The following TET3 variants were observed in gnomAD, a reference collection of about 807,000 sequenced individuals.
TET3 encodes methylcytosine dioxygenase TET3.
A neutral mutation model predicts 141.4 loss-of-function variants in TET3; 19 were observed. That is an observed-to-expected ratio of 0.13 (90% CI 0.09 to 0.20). The LOEUF is 0.20. TET3 is among the 10% of genes least tolerant of loss of function. The pLI, the probability that TET3 is intolerant of heterozygous loss-of-function variation, is 1.00. For missense variants in TET3, 1,874 were observed against 2,356.9 expected, an observed-to-expected ratio of 0.80 and a Z score of 4.24; for synonymous variants, 1,043 against 980.9, an observed-to-expected ratio of 1.06 and a Z score of -1.18.
the TET3 span, among the ~76,000 whole-genome samples, chr2:74,119,361 A>C: frequency 2.6e-5 from 4 of 152,044 alleles, no homozygotes; most frequent in Admixed American, 2.6e-4. Flanking sequence ...TCAAAAAAAA[A>C]AAAAAAAAAG....
At position 74,104,799 on chromosome 2, in the gene TET3, A is replaced by G. The variant is rs911504600; in HGVS notation, c.*2623A>G. 2.1e-5 allele frequency: 4 copies of G among 193,708 alleles called. No homozygotes were observed. In the East Asian group the frequency reaches 3.7e-4, roughly 18 times the overall value. The allele number at this position is 193,708 out of a possible 1,614,324, so 12.0% of individuals were successfully genotyped here. ...CATGCGACGTCTGTCCCCCAGCCCA[A>G]ACAGCCTTGGTTCATCAGTTTCTGC... On this transcript the variant is annotated 3_prime_UTR_variant, in exon 12 of 12. Transcript: ENST00000409262.
the TET3 span, among the ~76,000 whole-genome samples, chr2:74,133,989 C>CA: frequency 6.6e-6 from 1 of 152,104 alleles, no homozygotes; most frequent in African/African-American, 2.4e-5. Context: ...GTGATCCCCC[C>CA]CCCTCGGCCT....
intron 2 of TET3, among the ~76,000 whole-genome samples, chr2:73,987,825 G>A (rs1052024998): frequency 1.3e-5 from 2 of 152,178 alleles, no homozygotes; most frequent in Non-Finnish European, 1.5e-5. Context: ...CTGAGGACTC[G>A]GGTCCCTGTG....
intron 2 of TET3, among the ~76,000 whole-genome samples, chr2:73,994,282 G>C (rs1684470240): frequency 6.6e-6 from 1 of 152,192 alleles, no homozygotes; most frequent in African/African-American, 2.4e-5. Context: ...AGCTGCTGAT[G>C]AGTAGAGGAA....
Position 74,047,191 on chromosome 2 carries a change from C to T in TET3, c.1274C>T (p.Pro425Leu). The T allele has an allele frequency of 6.2e-7, 1 of 1,614,012 alleles. No individual in the cohort carries two copies. The highest frequency in any genetic ancestry group is 8.5e-7 in the Non-Finnish European group (1 of 1,179,894). The change falls in exon 4 of 12, where the codon CCT (proline) becomes CTT (leucine). Residue 425 changes from proline to leucine, a missense_variant. Physicochemically the swap from Pro to Leu is moderately conservative, Grantham distance 98. Transcript: ENST00000409262. The part of the protein sequence containing the change: ...SSFAPDSSAF[P>L]PATPRTEFPE... ...TTTGCTCCTGATAGCTCTGCCTTCCCTCCAGCAACTCCTAGAACTGAGTTC... is the reference window on the plus strand; with the variant it reads ...TTTGCTCCTGATAGCTCTGCCTTCCTTCCAGCAACTCCTAGAACTGAGTTC...
In TET3 at chr2:74,087,880, C is replaced by G. The variant is rs1330938120; in HGVS notation, c.2730C>G (p.His910Gln). Residue 910 changes from histidine to glutamine, a missense_variant, in exon 7 of 12, where the codon CAC (histidine) becomes CAG (glutamine). Around this residue, in one of 10 missense-constraint regions of TET3, gnomAD observed 126 missense variants for 327.4 expected, o/e 0.38. Coordinates refer to ENST00000409262, the MANE Select transcript of TET3 (RefSeq NM_001287491.2). This position sits in a 1 kb window ranked among gnomAD's most constrained non-coding sequence, Gnocchi z 4.3. ...AGAAGCTACTCTGCCTGGTGCGGCA[C>G]CGGGCAGGCCACCACTGCCAGAACG... Reference protein sequence around the residue: ...LEEKLLCLVRHRAGHHCQNAV... With the variant: ...LEEKLLCLVRQRAGHHCQNAV... 2 of 1,551,680 alleles carry G rather than the reference C, an allele frequency of 1.3e-6. No homozygotes were observed. The highest frequency in any genetic ancestry group is 8.7e-7 in the Non-Finnish European group (1 of 1,146,994).
intron 3 of TET3, among the ~76,000 whole-genome samples, chr2:74,036,200 A>G (rs1011204952): frequency 1.3e-5 from 2 of 152,226 alleles, no homozygotes; most frequent in African/African-American, 4.8e-5. Flanking sequence ...ACAGAGGCGC[A>G]GAGAGATTAG....
At chr2:74,009,889 A>T (rs757313957) in intron 3 of TET3, among the ~76,000 whole-genome samples, 2 of 152,206 alleles carry the variant, frequency 1.3e-5, no homozygotes, top group Non-Finnish European at 2.9e-5. Context: ...GCTCAAGACA[A>T]GGGTGGCATA....
chr2:73,997,515 G>C (rs773635734), intron 2 of TET3, among the ~76,000 whole-genome samples: 1 of 152,144 alleles, frequency 6.6e-6, no homozygotes. Flanking sequence ...GGGAGAGGGG[G>C]TTGTGAGGGC....
intron 2 of TET3, among the ~76,000 whole-genome samples, chr2:74,000,754 T>C (rs1684808514): frequency 6.6e-6 from 1 of 152,178 alleles, no homozygotes; most frequent in Non-Finnish European, 1.5e-5. Flanking sequence ...CCAGCTGTGT[T>C]GACAGGCAAG....
At chr2:74,055,153 G>A (rs1688146441) in intron 4 of TET3, among the ~76,000 whole-genome samples, 1 of 152,060 alleles carries the variant, frequency 6.6e-6, no homozygotes, top group Admixed American at 6.6e-5. Flanking sequence ...ACCCACCTCG[G>A]CCTCCCAGAA....
chr2:73,994,616 TTCTTTC>T (rs1242766440), intron 2 of TET3, among the ~76,000 whole-genome samples: 1 of 134,262 alleles, frequency 7.4e-6, no homozygotes, highest in African/African-American at 3.6e-5. Context: ...TCTATTTTTT[TTCTTTC>T]TTTCTTTCTT....
In TET3 at chr2:74,081,169, C is replaced by T. The variant is rs181046398; in HGVS notation, c.2679+578C>T. On this transcript the variant is annotated intron_variant, in intron 6 of 11. Coordinates refer to ENST00000409262, the MANE Select transcript of TET3 (RefSeq NM_001287491.2). ...GCAGTTTCCTACCAGGCAACCTAGA[C>T]ATCTTCACAGGGAGAACATCAGTGA... is the stretch of plus-strand genomic sequence containing the variant. Among the ~76,000 whole-genome samples, 73 of 152,354 alleles carry T rather than the reference C, an allele frequency of 4.8e-4. 1 individual carries two copies. In the East Asian group the frequency reaches 0.012, roughly 25 times the overall value.
intron 3 of TET3, among the ~76,000 whole-genome samples, chr2:74,014,845 A>G (rs766534968): frequency 6.6e-6 from 1 of 152,200 alleles, no homozygotes; most frequent in Non-Finnish European, 1.5e-5. Flanking sequence ...CCTTCAGTCC[A>G]TGAAGAGTGT....
intron 3 of TET3, among the ~76,000 whole-genome samples, chr2:74,032,485 G>GCGCGCGCGCGCGATGGCCCCAGCGGC (rs1558730097): frequency 1.5e-4 from 22 of 150,294 alleles, no homozygotes; most frequent in African/African-American, 4.4e-4. Flanking sequence ...GTGTGTGTGT[G>GCGCGCGCGCGCGATGGCCCCAGCGGC]TGTGTGTGTG....
At chr2:74,129,081 A>G in the TET3 span, among the ~76,000 whole-genome samples, 1 of 149,502 alleles carries the variant, frequency 6.7e-6, no homozygotes, top group Non-Finnish European at 1.5e-5. Context: ...GGATTGAGGC[A>G]GGCAGATCAC....
At position 74,099,610 on chromosome 2, in the gene TET3, C is replaced by T; in HGVS notation, c.3602C>T (p.Pro1201Leu). 1 of 1,564,240 alleles carries T rather than the reference C, an allele frequency of 6.4e-7. No homozygotes were observed. Among genetic ancestry groups the T allele is most frequent in the Non-Finnish European group, 8.7e-7 (1 of 1,152,004 alleles). The change falls in exon 11 of 12, where the codon CCA (proline) becomes CTA (leucine). Residue 1201 changes from proline to leucine, a missense_variant and splice_region_variant. Pro to Leu is a moderately conservative substitution (Grantham distance 98). This residue lies in a region of TET3 where 602 missense variants were observed against 590.2 expected (regional missense o/e 1.02). Coordinates refer to ENST00000409262, the MANE Select transcript of TET3 (RefSeq NM_001287491.2). The stretch of plus-strand genomic sequence containing the variant: ...GAGCTGGCGGGCATTACGTCGGACC[C>T]AGGTGTGTGGGGGGAGGGTGCCCGC... The part of the protein sequence containing the change: ...ALELAGITSD[P>L]GLSLKGGLSQ...
At chr2:74,007,397 G>T (rs1189055283) in intron 3 of TET3, among the ~76,000 whole-genome samples, 1 of 152,238 alleles carries the variant, frequency 6.6e-6, no homozygotes, top group African/African-American at 2.4e-5. Context: ...GAGGAGGGCA[G>T]TGGGGTCAGA....
chr2:74,134,555 C>A, the TET3 span: 1 of 377,610 alleles, frequency 2.6e-6, no homozygotes, highest in South Asian at 1.9e-5. Context: ...CTCTGGTGGT[C>A]GGTTCCATGA....
Sources: allele counts gnomAD v4.1 joint callset (sites outside exome capture counted in the v4.1 genomes callset), GRCh38; gene constraint gnomAD v4.1.1; regional missense constraint gnomAD v4.1.1; non-coding constraint Gnocchi (gnomAD v3.1); transcripts MANE v1.5; gene names NCBI Gene and HGNC (gene_info 2026-07-23, HGNC 2026-07-21).